Variants in OPCML observed in about 807,000 individuals in gnomAD.
OPCML encodes the protein opioid binding protein/cell adhesion molecule like.
OPCML carries 13 observed loss-of-function variants against 37.8 expected under a neutral mutation model. The ratio of observed to expected loss-of-function variants is 0.34; its 90% confidence interval spans 0.22 to 0.55. The LOEUF (loss-of-function observed/expected upper bound fraction) is 0.55, where lower values mean the gene tolerates loss of function less well. OPCML is among the 20% of genes least tolerant of loss of function. The probability of loss-of-function intolerance (pLI) is 0.91; values close to 1 mark genes in which losing one functional copy is unlikely to be tolerated. For synonymous variants in OPCML, 176 were observed against 168.8 expected, an observed-to-expected ratio of 1.04 and a Z score of -0.33; for missense variants, 341 against 435.6, an observed-to-expected ratio of 0.78 and a Z score of 1.93.
At chr11:133,474,107 T>C (rs1947180568) in intron 1 of OPCML, among the ~76,000 whole-genome samples, 1 of 152,248 alleles carries the variant, frequency 6.6e-6, no homozygotes, top group Non-Finnish European at 1.5e-5. Context: ...TTTATTTCAT[T>C]TAATAAGTAA....
chr11:132,770,263 T>A (rs1289267748), intron 2 of OPCML, among the ~76,000 whole-genome samples: 1 of 152,160 alleles, frequency 6.6e-6, no homozygotes, highest in Non-Finnish European at 1.5e-5. Context: ...ACTTGTGTTT[T>A]TGTTGAGTGT....
chr11:132,829,453 A>G (rs1009358525), intron 2 of OPCML, among the ~76,000 whole-genome samples: 2 of 152,214 alleles, frequency 1.3e-5, no homozygotes, highest in African/African-American at 4.8e-5. Flanking sequence ...AAACGCGGGC[A>G]AGGACCAGTA....
At position 133,214,512 on chromosome 11, in the gene OPCML, G is replaced by A. The variant is rs1182216828; in HGVS notation, c.62-271502C>T. On this transcript the variant is annotated intron_variant, in intron 1 of 7. Transcript: ENST00000524381. ...GGTTTTGAAAAAAAGGCGAACTGTT[G>A]TTTGTCTCAAATAGTCTTTCCATAA... Among the ~76,000 whole-genome samples the A allele has an allele frequency of 2.6e-5, 4 of 152,030 alleles. No homozygotes were observed. The East Asian group carries it at 7.7e-4, about 29-fold the overall frequency.
chr11:133,048,163 C>A (rs577478151), intron 1 of OPCML, among the ~76,000 whole-genome samples: 8 of 152,284 alleles, frequency 5.3e-5, no homozygotes, highest in Admixed American at 4.6e-4. Context: ...TTACAAAAAA[C>A]TTGTCCTAGG....
At chr11:132,505,265 G>C (rs571937925) in intron 4 of OPCML, among the ~76,000 whole-genome samples, 2 of 152,052 alleles carry the variant, frequency 1.3e-5, no homozygotes, top group Admixed American at 1.3e-4. Context: ...GGAAAATAAA[G>C]ACTAGTCACA....
chr11:133,362,101 A>G (rs1203431246), intron 1 of OPCML: 1 of 152,296 alleles, frequency 6.6e-6, no homozygotes, highest in African/African-American at 2.4e-5. Context: ...CTCAGCTTCT[A>G]ATTACTGCTA....
intron 1 of OPCML, among the ~76,000 whole-genome samples, chr11:133,531,284 C>T (rs1239867853): frequency 6.6e-6 from 1 of 152,184 alleles, no homozygotes; most frequent in Non-Finnish European, 1.5e-5. Context: ...TTTTGCAACG[C>T]TTCTGCTAAG....
chr11:132,860,951 C>G (rs753363383), intron 2 of OPCML, among the ~76,000 whole-genome samples: 12 of 152,056 alleles, frequency 7.9e-5, no homozygotes, highest in Non-Finnish European at 1.5e-4. Flanking sequence ...GATTTAAGTG[C>G]GAAGAGATTT....
chr11:132,697,507 T>C (rs1188222794), intron 2 of OPCML, among the ~76,000 whole-genome samples: 2 of 152,212 alleles, frequency 1.3e-5, no homozygotes, highest in African/African-American at 2.4e-5. Context: ...TTTTAGATTC[T>C]ACATATAAGT....
intron 3 of OPCML, among the ~76,000 whole-genome samples, chr11:132,554,333 A>T (rs2096389409): frequency 6.6e-6 from 1 of 152,234 alleles, no homozygotes; most frequent in South Asian, 2.1e-4. Context: ...TAAAGGCCTC[A>T]GCCCCTGGCA....
At chr11:133,280,934 C>T (rs1259100875) in intron 1 of OPCML, among the ~76,000 whole-genome samples, 1 of 152,128 alleles carries the variant, frequency 6.6e-6, no homozygotes, top group Non-Finnish European at 1.5e-5. Flanking sequence ...CCCTTGGTAC[C>T]TTTCCTCATT....
chr11:132,827,108 T>A (rs1940394969), intron 2 of OPCML, among the ~76,000 whole-genome samples: 1 of 152,144 alleles, frequency 6.6e-6, no homozygotes, highest in African/African-American at 2.4e-5. Context: ...GTCTATAAAC[T>A]ACCAAGATAA....
chr11:133,476,392 G>GT (rs10714775), intron 1 of OPCML, among the ~76,000 whole-genome samples: 22 of 148,658 alleles, frequency 1.5e-4, no homozygotes, highest in Admixed American at 4.7e-4. Context: ...TCTGTTGTTA[G>GT]TTTTTTTTTT....
At chr11:132,862,354 G>A (rs945942625) in intron 2 of OPCML, among the ~76,000 whole-genome samples, 2 of 152,102 alleles carry the variant, frequency 1.3e-5, no homozygotes, top group South Asian at 4.1e-4. Context: ...ACTTCGTTTT[G>A]AAATATTCCA....
intron 1 of OPCML, among the ~76,000 whole-genome samples, chr11:133,147,389 G>A (rs980232306): frequency 1.6e-4 from 24 of 152,092 alleles, no homozygotes; most frequent in South Asian, 2.1e-4. Context: ...TAGGCCCAGC[G>A]TGCAGATCTG....
chr11:132,510,874 T>C (rs1295043251), intron 4 of OPCML, among the ~76,000 whole-genome samples: 1 of 152,184 alleles, frequency 6.6e-6, no homozygotes, highest in Non-Finnish European at 1.5e-5. Flanking sequence ...ATATTATTCT[T>C]AATGGGAAAA....
At chr11:132,707,276 C>G (rs527396823) in intron 2 of OPCML, among the ~76,000 whole-genome samples, 1 of 152,116 alleles carries the variant, frequency 6.6e-6, no homozygotes, top group East Asian at 1.9e-4. Context: ...CAATAGAATG[C>G]CAGGATGAGA....
chr11:133,519,572 G>GA (rs202229557), intron 1 of OPCML, among the ~76,000 whole-genome samples: 1,634 of 152,174 alleles, frequency 0.011, 28 homozygotes, highest in African/African-American at 0.037. Flanking sequence ...TTTACCAGGG[G>GA]AAAAAAAGCT....
At chr11:133,481,504 A>G (rs570967816) in intron 1 of OPCML, among the ~76,000 whole-genome samples, 3 of 152,276 alleles carry the variant, frequency 2.0e-5, no homozygotes, top group African/African-American at 7.2e-5. Context: ...TGTGGCTACA[A>G]TTTTAGATAG....
Sources: gnomAD v4.1 joint callset for allele counts (sites outside exome capture counted in the v4.1 genomes callset) on GRCh38, gnomAD v4.1.1 for gene constraint, MANE v1.5 for transcripts, NCBI Gene and HGNC (gene_info 2026-07-23, HGNC 2026-07-21) for gene names.